Variants in RMI1 observed in about 807,000 individuals in gnomAD.
RMI1 encodes the protein RecQ mediated genome instability 1, also known as recQ-mediated genome instability protein 1.
In RMI1, 36 loss-of-function variants were observed where a neutral mutation model predicts 46.7. The observed-to-expected ratio is 0.77, with a 90% CI of 0.59 to 1.02. The LOEUF is 1.02. Among genes scored for constraint, RMI1 ranks in the 50% least tolerant of loss-of-function variants. The pLI, the probability that RMI1 is intolerant of heterozygous loss-of-function variation, is 0.00. For missense variants in RMI1, 676 were observed against 713.7 expected (o/e 0.95, Z 0.60); for synonymous variants, 250 against 252.9 (o/e 0.99, Z 0.11).
chr9:83,997,589 G>C (rs950628156), intron 1 of RMI1, among the ~76,000 whole-genome samples: 2 of 151,882 alleles, frequency 1.3e-5, no homozygotes, highest in Non-Finnish European at 2.9e-5. Flanking sequence ...TGGCATAGGG[G>C]CTTCTTCTCC....
chr9:83,989,667 C>CAAAAAAAAAA (rs34101686), intron 1 of RMI1, among the ~76,000 whole-genome samples: 1 of 142,004 alleles, frequency 7.0e-6, no homozygotes, highest in Non-Finnish European at 1.5e-5. Flanking sequence ...ATCAAAAAGA[C>CAAAAAAAAAA]AAAAAAAAAA....
chr9:84,001,121 G>A lies in RMI1; in HGVS notation c.135G>A (p.Gln45=). 6.2e-7 allele frequency: 1 copy of A among 1,614,080 alleles called. No homozygotes were observed. The highest frequency in any genetic ancestry group is 1.3e-5 in the African/African-American group (1 of 75,026). ...AAAATAATAATGTTAACTTGAGTCA[G>A]GCCCAAATGAATAAACAAGTGTTTG... ...QEENNNVNLS[Q]AQMNKQVFEQ... The change falls in exon 3 of 3, where the codon CAG becomes CAA. Residue 45 remains glutamine, a synonymous_variant. Transcript: ENST00000445877.
intron 1 of RMI1, among the ~76,000 whole-genome samples, chr9:83,985,700 C>T (rs985019990): frequency 1.3e-5 from 2 of 151,928 alleles, no homozygotes; most frequent in East Asian, 1.9e-4. Flanking sequence ...AGGAGTTTTG[C>T]CACTTGCGGT....
Position 83,996,113 on chromosome 9 carries a change from T to A in RMI1, c.-125-3596T>A, listed in dbSNP as rs117719436. On this transcript the variant is annotated intron_variant, in intron 1 of 2. Coordinates refer to ENST00000445877, the MANE Select transcript of RMI1 (RefSeq NM_001358291.2). ...ACGTTGGATTGTTTTTTCCTGTGTG[T>A]GTTTTACCCTTTTTGTGTGGCTTTA... 1.1e-3 allele frequency among the ~76,000 whole-genome samples: 174 copies of A among 152,334 alleles called. 2 individuals carry two copies. In the East Asian group the frequency reaches 0.029, roughly 26 times the overall value.
chr9:84,002,816 T>C lies in RMI1; in HGVS notation c.1830T>C (p.Asp610=). ...AAGCAATGGTACTGGCATTACAAGA[T>C]GTTAATATGGAACACCTTGAGAATC... ...LSKAMVLALQ[D]VNMEHLENLK... The change falls in exon 3 of 3, where the codon GAT becomes GAC. Residue 610 remains aspartate, a synonymous_variant. Transcript: ENST00000445877. 21 of 1,593,208 alleles carry C rather than the reference T, an allele frequency of 1.3e-5. No individual in the cohort carries two copies. Among genetic ancestry groups the C allele is most frequent in the Non-Finnish European group, 1.8e-5 (21 of 1,164,132 alleles).
chr9:83,984,685 C>T (rs547675860), intron 1 of RMI1, among the ~76,000 whole-genome samples: 1 of 152,040 alleles, frequency 6.6e-6, no homozygotes, highest in Admixed American at 6.6e-5. Flanking sequence ...TCTCAGCCTC[C>T]CTAGTAGCTG....
At chr9:83,989,657 A>G (rs1215588659) in intron 1 of RMI1, among the ~76,000 whole-genome samples, 2 of 94,086 alleles carry the variant, frequency 2.1e-5, no homozygotes, top group African/African-American at 4.3e-5. Flanking sequence ...TAAAATGGCT[A>G]TCAAAAAGAC....
chr9:83,995,186 G>A (rs1361207671), intron 1 of RMI1, among the ~76,000 whole-genome samples: 1 of 151,990 alleles, frequency 6.6e-6, no homozygotes, highest in Non-Finnish European at 1.5e-5. Context: ...TTCGAGTAGA[G>A]ATGGGGTTTC....
chr9:83,988,494 G>T (rs977436477), intron 1 of RMI1, among the ~76,000 whole-genome samples: 2 of 152,086 alleles, frequency 1.3e-5, no homozygotes, highest in African/African-American at 4.8e-5. Context: ...GGTAGAGACA[G>T]AGTTTTGCTG....
At chr9:83,987,175 G>T (rs531270257) in intron 1 of RMI1, among the ~76,000 whole-genome samples, 1 of 151,922 alleles carries the variant, frequency 6.6e-6, no homozygotes, top group South Asian at 2.1e-4. Context: ...GCGATTTTCT[G>T]CCTCAGCCTC....
At chr9:83,986,793 C>A (rs940299884) in intron 1 of RMI1, among the ~76,000 whole-genome samples, 1 of 152,132 alleles carries the variant, frequency 6.6e-6, no homozygotes, top group Non-Finnish European at 1.5e-5. Context: ...TATTTTCTGT[C>A]CAGCCTTGAC....
intron 1 of RMI1, among the ~76,000 whole-genome samples, chr9:83,997,381 G>A (rs1390927624): frequency 1.3e-5 from 2 of 151,616 alleles, no homozygotes; most frequent in Admixed American, 1.3e-4. Context: ...AAAGTGCTGG[G>A]ATTACAGGTA....
intron 1 of RMI1, among the ~76,000 whole-genome samples, chr9:83,984,868 A>G (rs765799946): frequency 6.6e-6 from 1 of 152,180 alleles, no homozygotes; most frequent in Non-Finnish European, 1.5e-5. Flanking sequence ...CAGCCCGAAC[A>G]TATCTTACTG....
chr9:83,996,418 A>G (rs1187252252), intron 1 of RMI1, among the ~76,000 whole-genome samples: 1 of 152,162 alleles, frequency 6.6e-6, no homozygotes, highest in Admixed American at 6.5e-5. Context: ...CTTTAGCTAC[A>G]CTGTTTTTAG....
intron 1 of RMI1, among the ~76,000 whole-genome samples, chr9:83,997,798 AT>A (rs200236865): frequency 1.8e-3 from 266 of 144,864 alleles, no homozygotes; most frequent in Middle Eastern, 3.5e-3. Flanking sequence ...GATAGGGAGT[AT>A]TTTTTTTTTT....
chr9:84,002,174 C>A lies in RMI1; in HGVS notation c.1188C>A (p.Asp396Glu). The change falls in exon 3 of 3, where the codon GAC becomes GAA. Residue 396 changes from aspartate (D) to glutamate (E), a missense_variant. Coordinates refer to ENST00000445877, the MANE Select transcript of RMI1 (RefSeq NM_001358291.2). ...DKSFGCPSVR[D>E]QNRSIFSVHC... ...CATTTGGTTGTCCATCTGTTAGAGA[C>A]CAAAACAGGAGTATTTTTTCAGTTC... is the stretch of plus-strand genomic sequence containing the variant. 3 of 1,613,566 alleles carry A rather than the reference C, an allele frequency of 1.9e-6. No homozygotes were observed. The highest frequency in any genetic ancestry group is 1.1e-5 in the South Asian group (1 of 91,056).
Position 84,000,931 on chromosome 9 carries a change from T to G in RMI1, c.-36-20T>G. On this transcript the variant is annotated intron_variant, in intron 2 of 2. Transcript: ENST00000445877. ...TCAAATATACTGAATTATCTAAATTTTTTTGTTTTTTGTTTTCAGGTAATA... is the reference window on the plus strand; with the variant it reads ...TCAAATATACTGAATTATCTAAATTGTTTTGTTTTTTGTTTTCAGGTAATA... 2 of 1,278,650 alleles carry G rather than the reference T, an allele frequency of 1.6e-6. No homozygotes were observed. Among genetic ancestry groups the G allele is most frequent in the Non-Finnish European group, 2.2e-6 (2 of 922,410 alleles). The allele number at this position is 1,278,650 out of a possible 1,614,324, so 79.2% of individuals were successfully genotyped here. A position where few individuals can be genotyped will look rare whatever the true frequency, so the allele number is the denominator to read the frequency against.
At chr9:83,983,927 C>A (rs1048380134) in intron 1 of RMI1, among the ~76,000 whole-genome samples, 1 of 151,898 alleles carries the variant, frequency 6.6e-6, no homozygotes, top group Non-Finnish European at 1.5e-5. Flanking sequence ...AAAATGGTTT[C>A]TTTAAAGATT....
chr9:83,981,463 G>A (rs1041165482), intron 1 of RMI1, among the ~76,000 whole-genome samples: 4 of 152,182 alleles, frequency 2.6e-5, no homozygotes, highest in Admixed American at 1.3e-4. Flanking sequence ...TGTTCTAGCG[G>A]GTTCAGCGCA....
Sources: gnomAD v4.1 joint callset for allele counts (sites outside exome capture counted in the v4.1 genomes callset) on GRCh38, gnomAD v4.1.1 for gene constraint, MANE v1.5 for transcripts, NCBI Gene and HGNC (gene_info 2026-07-23, HGNC 2026-07-21) for gene names.